Variants in LRRC4C observed in about 807,000 individuals in gnomAD.
LRRC4C encodes leucine rich repeat containing 4C.
LRRC4C carries 5 observed loss-of-function variants against 33.6 expected under a neutral mutation model. The ratio of observed to expected loss-of-function variants is 0.15; its 90% CI spans 0.08 to 0.31. The LOEUF (loss-of-function observed/expected upper bound fraction) is 0.31. Ranked by LOEUF, LRRC4C falls within the 10% of genes least tolerant of loss-of-function variation. The pLI, the probability that LRRC4C is intolerant of heterozygous loss-of-function variation, is 1.00. For synonymous variants in LRRC4C, 329 were observed against 302.0 expected (o/e 1.09, Z -0.93); for missense variants, 560 against 796.7 (o/e 0.70, Z 3.58).
chr11:41,347,030 C>A (rs780967415), intron 1 of LRRC4C, among the ~76,000 whole-genome samples: 1 of 152,072 alleles, frequency 6.6e-6, no homozygotes, highest in Non-Finnish European at 1.5e-5. Flanking sequence ...CACAGGAAAA[C>A]TAAAAGAGGT....
At chr11:40,669,017 T>C (rs1169968213) in intron 2 of LRRC4C, among the ~76,000 whole-genome samples, 1 of 152,230 alleles carries the variant, frequency 6.6e-6, no homozygotes, top group Non-Finnish European at 1.5e-5. Context: ...GGTTGTTGTG[T>C]TTTTAAAGGC....
At chr11:41,444,158 A>T (rs1955745073) in intron 1 of LRRC4C, among the ~76,000 whole-genome samples, 1 of 152,182 alleles carries the variant, frequency 6.6e-6, no homozygotes, top group African/African-American at 2.4e-5. Flanking sequence ...TGAAGAGAAA[A>T]AAAGTAATAA....
chr11:41,433,877 G>C (rs2138448199), intron 1 of LRRC4C, among the ~76,000 whole-genome samples: 1 of 151,486 alleles, frequency 6.6e-6, no homozygotes, highest in African/African-American at 2.4e-5. Flanking sequence ...TGTCCCTCTA[G>C]AGCACTCTAA....
At chr11:41,052,483 C>T (rs1340016501) in intron 1 of LRRC4C, among the ~76,000 whole-genome samples, 2 of 151,606 alleles carry the variant, frequency 1.3e-5, no homozygotes, top group Non-Finnish European at 2.9e-5. Context: ...ATGTTCCCGT[C>T]CATCTGCTTC....
rs1016353258 is a variant in LRRC4C at position 40,188,925 on chromosome 11, A to G, written c.-95-48072T>C. Among the ~76,000 whole-genome samples the G allele has an allele frequency of 3.7e-4, 57 of 152,234 alleles. 1 individual carries two copies. The highest frequency in any genetic ancestry group is 7.3e-5 in the Non-Finnish European group (5 of 68,040). ...ACTTCTTTAAGGAATAAATTTTGGC[A>G]TTAAATTACCTCAAACAGTCATGGA... is the stretch of plus-strand genomic sequence containing the variant. On this transcript the variant is annotated intron_variant, in intron 5 of 6. Transcript: ENST00000528697.
At chr11:40,354,967 C>T (rs1226349436) in intron 3 of LRRC4C, among the ~76,000 whole-genome samples, 1 of 152,090 alleles carries the variant, frequency 6.6e-6, no homozygotes, top group Non-Finnish European at 1.5e-5. Flanking sequence ...GCCAGCACAG[C>T]CTTGGGTCTT....
At chr11:41,337,331 C>A (rs543321048) in intron 1 of LRRC4C, among the ~76,000 whole-genome samples, 17 of 152,252 alleles carry the variant, frequency 1.1e-4, no homozygotes, top group African/African-American at 4.1e-4. Context: ...CAGGTGTAAG[C>A]CACTGCACCT....
chr11:40,235,973 A>G (rs2136050236), intron 5 of LRRC4C, among the ~76,000 whole-genome samples: 1 of 152,266 alleles, frequency 6.6e-6, no homozygotes, highest in South Asian at 2.1e-4. Context: ...TGCCCAGGCC[A>G]GTAATAAATG....
At chr11:40,376,146 C>A (rs572569225) in intron 3 of LRRC4C, among the ~76,000 whole-genome samples, 6 of 152,124 alleles carry the variant, frequency 3.9e-5, no homozygotes, top group African/African-American at 7.2e-5. Context: ...CTTTTCATAT[C>A]CATGTTCACA....
intron 3 of LRRC4C, among the ~76,000 whole-genome samples, chr11:40,457,124 A>G (rs976934651): frequency 2.0e-5 from 3 of 151,370 alleles, no homozygotes; most frequent in African/African-American, 7.3e-5. Context: ...AAGAAAAAAA[A>G]AACAGTTACT....
chr11:40,914,995 G>GA (rs1257922089), intron 2 of LRRC4C, among the ~76,000 whole-genome samples: 1 of 152,182 alleles, frequency 6.6e-6, no homozygotes, highest in Non-Finnish European at 1.5e-5. Context: ...CAGGGGAAGT[G>GA]AAGGACCTCT....
chr11:40,471,409 C>G (rs1260041096), intron 3 of LRRC4C, among the ~76,000 whole-genome samples: 1 of 152,166 alleles, frequency 6.6e-6, no homozygotes, highest in Non-Finnish European at 1.5e-5. Flanking sequence ...AAAGGAACAA[C>G]TGGTACCAGC....
chr11:40,384,759 T>C (rs1949038890), intron 3 of LRRC4C, among the ~76,000 whole-genome samples: 1 of 152,196 alleles, frequency 6.6e-6, no homozygotes, highest in African/African-American at 2.4e-5. Flanking sequence ...CATCACAATA[T>C]ATTATTTTAA....
chr11:40,680,124 G>C (rs1426157201), intron 2 of LRRC4C, among the ~76,000 whole-genome samples: 1 of 152,206 alleles, frequency 6.6e-6, no homozygotes, highest in Non-Finnish European at 1.5e-5. Context: ...AGATTTGACT[G>C]TCCTGCTGGA....
At chr11:41,325,594 T>G (rs1951092876) in intron 1 of LRRC4C, among the ~76,000 whole-genome samples, 1 of 148,704 alleles carries the variant, frequency 6.7e-6, no homozygotes, top group Non-Finnish European at 1.5e-5. Context: ...TGTGTGTGTG[T>G]GTGTGTGTGT....
At chr11:40,876,388 GT>G (rs550605337) in intron 2 of LRRC4C, among the ~76,000 whole-genome samples, 28 of 146,914 alleles carry the variant, frequency 1.9e-4, no homozygotes, top group African/African-American at 6.5e-4. Flanking sequence ...CCCTGATAAT[GT>G]TTGAAATATG....
intron 4 of LRRC4C, among the ~76,000 whole-genome samples, chr11:40,310,719 T>C (rs1271144085): frequency 6.6e-6 from 1 of 152,190 alleles, no homozygotes; most frequent in Non-Finnish European, 1.5e-5. Context: ...GTAATATGTT[T>C]TTTAAGTTTA....
At chr11:40,329,943 G>A (rs1177269543) in intron 3 of LRRC4C, among the ~76,000 whole-genome samples, 1 of 151,756 alleles carries the variant, frequency 6.6e-6, no homozygotes, top group Non-Finnish European at 1.5e-5. Flanking sequence ...GGGTTTCACT[G>A]TGTTAGCCAG....
chr11:40,783,209 T>C (rs184038611), intron 2 of LRRC4C, among the ~76,000 whole-genome samples: 39 of 152,336 alleles, frequency 2.6e-4, no homozygotes, highest in Non-Finnish European at 4.1e-4. Flanking sequence ...TGTATGTCTA[T>C]ATAATTCAAT....
Sources: allele counts gnomAD v4.1 joint callset (sites outside exome capture counted in the v4.1 genomes callset), GRCh38; gene constraint gnomAD v4.1.1; transcripts MANE v1.5; gene names NCBI Gene and HGNC (gene_info 2026-07-23, HGNC 2026-07-21).